Variants in CDK15 observed in about 807,000 individuals in gnomAD.
CDK15 encodes the protein cyclin dependent kinase 15, also known as cyclin-dependent kinase 15.
In CDK15, 62 loss-of-function variants were observed where a neutral mutation model predicts 60.3. The ratio of observed to expected loss-of-function variants is 1.03; its 90% CI spans 0.84 to 1.27. The LOEUF is 1.27. Ranked by LOEUF, CDK15 falls within the 50% of genes most tolerant of loss-of-function variation. The pLI, the probability that CDK15 is intolerant of heterozygous loss-of-function variation, is 0.00. For missense variants in CDK15, 541 were observed against 527.8 expected, an observed-to-expected ratio of 1.03 and a Z score of -0.25; for synonymous variants, 194 against 195.7, an observed-to-expected ratio of 0.99 and a Z score of 0.07.
chr2:201,878,208 A>T (rs776986799), intron 11 of CDK15, among the ~76,000 whole-genome samples: 6 of 152,180 alleles, frequency 3.9e-5, no homozygotes, highest in African/African-American at 7.2e-5. Context: ...AGTTGGGTGT[A>T]CATAAATGAT....
At position 201,870,533 on chromosome 2, in the gene CDK15, A is replaced by G. The variant is rs527851220; in HGVS notation, c.1010-1745A>G. On this transcript the variant is annotated intron_variant, in intron 10 of 13. Coordinates refer to ENST00000652192, the MANE Select transcript of CDK15 (RefSeq NM_001366386.2). ...AGACCAGCCTGGACAAAAAAAAAAAAGCGAGACTCCCATCTCTAAATAAAT... is the reference window on the plus strand; with the variant it reads ...AGACCAGCCTGGACAAAAAAAAAAAGGCGAGACTCCCATCTCTAAATAAAT... 2.7e-5 allele frequency among the ~76,000 whole-genome samples: 4 copies of G among 149,116 alleles called. No individual in the cohort carries two copies. In the East Asian group the frequency reaches 7.8e-4, roughly 29 times the overall value.
chr2:201,809,539 TTCTTA>T (rs1695662480), intron 3 of CDK15, among the ~76,000 whole-genome samples: 1 of 152,230 alleles, frequency 6.6e-6, no homozygotes, highest in African/African-American at 2.4e-5. Context: ...AATCTATCTT[TTCTTA>T]TATTTGTGCT....
At chr2:201,824,779 T>C in intron 6 of CDK15, 1 of 713,154 alleles carries the variant, frequency 1.4e-6, no homozygotes, top group Non-Finnish European at 2.0e-6. Context: ...CCTAATGATG[T>C]CTAAAGAAAA....
intron 6 of CDK15, among the ~76,000 whole-genome samples, chr2:201,832,626 A>G (rs2882323): frequency 1.3e-5 from 2 of 152,140 alleles, no homozygotes; most frequent in Non-Finnish European, 2.9e-5. Flanking sequence ...TTTTTAAAAT[A>G]CTTAAATGGT....
chr2:201,814,494 C>T (rs535716101), intron 4 of CDK15, among the ~76,000 whole-genome samples: 8 of 152,208 alleles, frequency 5.3e-5, no homozygotes, highest in African/African-American at 1.9e-4. Flanking sequence ...TTAAAAGAGC[C>T]CTCTCCCCTC....
chr2:201,847,952 G>A (rs1376559462), intron 9 of CDK15, among the ~76,000 whole-genome samples: 6 of 152,058 alleles, frequency 3.9e-5, no homozygotes, highest in African/African-American at 1.2e-4. Flanking sequence ...GCAACATGGC[G>A]AAACCCCATC....
chr2:201,808,629 T>C (rs1695620032), intron 3 of CDK15: 1 of 151,816 alleles, frequency 6.6e-6, no homozygotes, highest in South Asian at 2.1e-4. Flanking sequence ...GTTACTCCAA[T>C]AGAGAGAAAA....
chr2:201,857,462 C>T (rs187473619), intron 10 of CDK15, among the ~76,000 whole-genome samples: 3 of 152,070 alleles, frequency 2.0e-5, no homozygotes, highest in South Asian at 2.1e-4. Flanking sequence ...GGTGCTGTGC[C>T]GTGCGCTGGG....
chr2:201,863,608 T>C (rs1443386203), intron 10 of CDK15, among the ~76,000 whole-genome samples: 1 of 151,970 alleles, frequency 6.6e-6, no homozygotes, highest in Non-Finnish European at 1.5e-5. Flanking sequence ...TCCCAGCACT[T>C]TGGGAGGCCG....
rs538808229 is a variant in CDK15 at position 201,861,551 on chromosome 2, G to GTTTTTTTTT, written c.1009+6619_1009+6627dup. 8.0e-5 allele frequency: 50 copies of GTTTTTTTTT among 627,198 alleles called. No individual in the cohort carries two copies. In the African/African-American group the frequency reaches 9.2e-4, roughly 12 times the overall value. The allele number at this position is 627,198 out of a possible 1,614,324, so 38.9% of individuals were successfully genotyped here. A position where few individuals can be genotyped will look rare whatever the true frequency, so the allele number is the denominator to read the frequency against. On this transcript the variant is annotated intron_variant, in intron 10 of 13. Coordinates refer to ENST00000652192, the MANE Select transcript of CDK15 (RefSeq NM_001366386.2). ...CCCATTCAGTTTTTTTTGTTGGTTT[G>GTTTTTTTTT]TTTTTTTTTTTTTCTTTTTTTTTTT...
At position 201,861,329 on chromosome 2, in the gene CDK15, A is replaced by G. The variant is rs532363379; in HGVS notation, c.1009+6392A>G. ...GTAGCCCGATTCTACAGATGAGGAA[A>G]CAGAGGCTTTCTCCTAGGCTCACAG... On this transcript the variant is annotated intron_variant, in intron 10 of 13. Transcript: ENST00000652192. The G allele has an allele frequency of 1.2e-4, 114 of 988,648 alleles. No homozygotes were observed. In the African/African-American group the frequency reaches 1.8e-3, roughly 16 times the overall value. 61.2% of individuals were successfully genotyped at this position (988,648 alleles called of 1,614,324 possible). A position where few individuals can be genotyped will look rare whatever the true frequency, so the allele number is the denominator to read the frequency against.
At chr2:201,856,824 G>A (rs572485871) in intron 10 of CDK15, among the ~76,000 whole-genome samples, 1 of 152,204 alleles carries the variant, frequency 6.6e-6, no homozygotes, top group East Asian at 1.9e-4. Context: ...GTTTCAGGTT[G>A]GTCCAGGCAA....
chr2:201,816,120 A>T (rs1371205452), intron 4 of CDK15, among the ~76,000 whole-genome samples: 4 of 152,208 alleles, frequency 2.6e-5, no homozygotes, highest in Non-Finnish European at 5.9e-5. Flanking sequence ...ATGCAGAAGA[A>T]GTATTTTTTT....
In CDK15 at chr2:201,895,345, TG is replaced by T. The variant is rs1699747921; in HGVS notation, c.*2080del. On this transcript the variant is annotated 3_prime_UTR_variant, in exon 14 of 14. Coordinates refer to ENST00000652192, the MANE Select transcript of CDK15 (RefSeq NM_001366386.2). The stretch of plus-strand genomic sequence containing the variant: ...TTATTAAAAAATTGATTTTATTAAG[TG>T]GAAGTTGACAGAATTATCCTCTTTA... The T allele has an allele frequency of 1.3e-5, 2 of 152,272 alleles. No homozygotes were observed. Among genetic ancestry groups the T allele is most frequent in the South Asian group, 4.1e-4 (2 of 4,834 alleles). The allele number at this position is 152,272 out of a possible 1,614,324, so 9.4% of individuals were successfully genotyped here. A position where few individuals can be genotyped will look rare whatever the true frequency, so the allele number is the denominator to read the frequency against.
intron 9 of CDK15, among the ~76,000 whole-genome samples, chr2:201,850,601 A>G (rs953870426): frequency 3.9e-5 from 6 of 152,222 alleles, no homozygotes; most frequent in Non-Finnish European, 5.9e-5. Flanking sequence ...ACTGCATTCA[A>G]TGAACATGGG....
chr2:201,880,956 GA>G (rs1699253436), intron 12 of CDK15, among the ~76,000 whole-genome samples: 1 of 152,174 alleles, frequency 6.6e-6, no homozygotes, highest in South Asian at 2.1e-4. Flanking sequence ...TACCAGGAAG[GA>G]AAAACAGAAG....
intron 11 of CDK15, 108 bp from the exon 12 acceptor site, chr2:201,879,920 A>C (rs1699214049): frequency 7.1e-7 from 1 of 1,401,656 alleles, no homozygotes; most frequent in Non-Finnish European, 9.4e-7. Context: ...AATTCTACTT[A>C]AAATCTAAGT....
At chr2:201,812,413 C>A in intron 3 of CDK15, 70 bp from the exon 4 acceptor site, 1 of 916,224 alleles carries the variant, frequency 1.1e-6, no homozygotes, top group Non-Finnish European at 1.7e-6. Context: ...TTTTGTTAAG[C>A]CATCTTTGGT....
intron 8 of CDK15, among the ~76,000 whole-genome samples, chr2:201,839,410 G>A (rs1438590150): frequency 1.3e-5 from 2 of 152,118 alleles, no homozygotes; most frequent in Non-Finnish European, 2.9e-5. Flanking sequence ...CCAACTAAAT[G>A]TAATGCATGG....
Sources: gnomAD v4.1 joint callset for allele counts (sites outside exome capture counted in the v4.1 genomes callset) on GRCh38, gnomAD v4.1.1 for gene constraint, MANE v1.5 for transcripts, NCBI Gene and HGNC (gene_info 2026-07-23, HGNC 2026-07-21) for gene names.